MAGED1: variants seen among roughly 807,000 people sequenced by gnomAD.
The protein encoded by MAGED1 is melanoma-associated antigen D1.
In MAGED1, 3 loss-of-function variants were observed where a neutral mutation model predicts 54.1. That is an observed-to-expected ratio of 0.06 (90% confidence interval 0.03 to 0.14). MAGED1 has a LOEUF of 0.14. Among genes scored for constraint, MAGED1 ranks in the 10% least tolerant of loss-of-function variants. The probability of loss-of-function intolerance (pLI) is 1.00; values close to 1 mark genes in which losing one functional copy is unlikely to be tolerated. For missense variants in MAGED1, 485 were observed against 623.4 expected, an observed-to-expected ratio of 0.78 and a Z score of 2.36; for synonymous variants, 217 against 227.3, an observed-to-expected ratio of 0.95 and a Z score of 0.41.
At chrX:51,894,581 C>G in intron 2 of MAGED1, 1 of 1,127,305 alleles carries the variant, frequency 8.9e-7, no homozygotes, top group Non-Finnish European at 1.2e-6. Flanking sequence ...GGCAATCTGC[C>G]CAGAGAATGC....
chrX:51,840,958 G>A (rs2146970502), intron 1 of MAGED1, among the ~76,000 whole-genome samples: 1 of 110,799 alleles, frequency 9.0e-6, no homozygotes, highest in East Asian at 2.8e-4. Flanking sequence ...CCAGTAATGG[G>A]ATGGCTGGGT....
chrX:51,822,675 A>G (rs1385166930), intron 1 of MAGED1, among the ~76,000 whole-genome samples: 1 of 111,016 alleles, frequency 9.0e-6, no homozygotes, highest in Non-Finnish European at 1.9e-5. Flanking sequence ...TATTTCTAGA[A>G]TAGATCTCAG....
chrX:51,880,419 A>G (rs1216416943), intron 1 of MAGED1, among the ~76,000 whole-genome samples: 1 of 111,813 alleles, frequency 8.9e-6, no homozygotes, highest in African/African-American at 3.3e-5. Context: ...GCAGAGAGTG[A>G]GAGGGGGACT....
At chrX:51,874,827 G>GT (rs782609534) in intron 1 of MAGED1, among the ~76,000 whole-genome samples, 22 of 108,170 alleles carry the variant, frequency 2.0e-4, no homozygotes, top group South Asian at 4.0e-4. Context: ...GGTATGCCTG[G>GT]TTTTTTTTTA....
At chrX:51,899,463 G>C (rs1202122043) in intron 10 of MAGED1, 3 of 110,161 alleles carry the variant, frequency 2.7e-5, no homozygotes, top group African/African-American at 1.0e-4. Flanking sequence ...TTTTTTTCGA[G>C]ACTGAGTCTC....
At chrX:51,809,438 G>T (rs1925145084) in intron 1 of MAGED1, among the ~76,000 whole-genome samples, 1 of 111,732 alleles carries the variant, frequency 8.9e-6, no homozygotes, top group Non-Finnish European at 1.9e-5. Flanking sequence ...CTTTTTGAAA[G>T]ATCGTTGATT....
chrX:51,899,812 G>A (rs1287236073), intron 10 of MAGED1: 3 of 168,442 alleles, frequency 1.8e-5, no homozygotes, highest in Non-Finnish European at 3.2e-5. Context: ...CATCCCCACA[G>A]TAGACATTCC....
At chrX:51,812,219 CA>C (rs1262324456) in intron 1 of MAGED1, among the ~76,000 whole-genome samples, 1 of 109,887 alleles carries the variant, frequency 9.1e-6, no homozygotes, top group Non-Finnish European at 1.9e-5. Context: ...TGAATTTTGA[CA>C]AAAAAAAGCT....
intron 1 of MAGED1, among the ~76,000 whole-genome samples, chrX:51,804,801 C>A (rs781928710): frequency 9.0e-6 from 1 of 111,694 alleles, no homozygotes; most frequent in South Asian, 3.8e-4. Flanking sequence ...GGCAGGAAGG[C>A]TTCACTGGTA....
intron 1 of MAGED1, among the ~76,000 whole-genome samples, chrX:51,859,953 G>A (rs1488139071): frequency 9.0e-6 from 1 of 110,877 alleles, no homozygotes; most frequent in Non-Finnish European, 1.9e-5. Flanking sequence ...AAGAAAGAAA[G>A]AAAGATCCTG....
chrX:51,884,955 G>C (rs192592890), intron 1 of MAGED1, among the ~76,000 whole-genome samples: 1 of 112,182 alleles, frequency 8.9e-6, no homozygotes, highest in East Asian at 2.8e-4. Context: ...CTAATAGAGA[G>C]TAACTTCCTC....
intron 1 of MAGED1, among the ~76,000 whole-genome samples, chrX:51,825,822 T>C (rs1925834674): frequency 8.9e-6 from 1 of 112,383 alleles, no homozygotes; most frequent in Non-Finnish European, 1.9e-5. Flanking sequence ...AAATCCCCTA[T>C]TGATAGCTTA....
At chrX:51,820,176 G>A (rs782590408) in intron 1 of MAGED1, among the ~76,000 whole-genome samples, 1 of 111,879 alleles carries the variant, frequency 8.9e-6, no homozygotes, top group East Asian at 2.8e-4. Flanking sequence ...AGTAACTGAA[G>A]CCTTGTAGTA....
intron 1 of MAGED1, among the ~76,000 whole-genome samples, chrX:51,852,660 C>T (rs1370606826): frequency 8.9e-6 from 1 of 111,847 alleles, no homozygotes; most frequent in African/African-American, 3.2e-5. Flanking sequence ...TGTTAAAGTT[C>T]TCAATTTAAT....
intron 1 of MAGED1, among the ~76,000 whole-genome samples, chrX:51,865,478 A>G (rs972566844): frequency 3.6e-5 from 4 of 111,666 alleles, no homozygotes; most frequent in African/African-American, 9.8e-5. Context: ...ATTTTCTTCT[A>G]TCATTTAGTT....
chrX:51,874,874 A>G (rs1159361918), intron 1 of MAGED1, among the ~76,000 whole-genome samples: 3 of 110,274 alleles, frequency 2.7e-5, no homozygotes, highest in African/African-American at 9.9e-5. Context: ...ACCTTTCGGT[A>G]AAATTTTGGT....
At chrX:51,839,017 G>C (rs1557358197) in intron 1 of MAGED1, among the ~76,000 whole-genome samples, 1 of 111,228 alleles carries the variant, frequency 9.0e-6, no homozygotes, top group Non-Finnish European at 1.9e-5. Context: ...ATCTATTTCT[G>C]TAGAGTATAA....
chrX:51,892,675 C>T (rs964030887), upstream of MAGED1, among the ~76,000 whole-genome samples: 3 of 111,492 alleles, frequency 2.7e-5, no homozygotes, highest in African/African-American at 9.8e-5. Context: ...AGAACACAAA[C>T]TTTGCTTGTT....
chrX:51,840,481 C>T (rs943923421), intron 1 of MAGED1, among the ~76,000 whole-genome samples: 15 of 108,792 alleles, frequency 1.4e-4, no homozygotes, highest in African/African-American at 4.7e-4. Context: ...ATGTGCACAA[C>T]GTGTAGATTA....
Sources: gnomAD v4.1 joint callset for allele counts (sites outside exome capture counted in the v4.1 genomes callset) on GRCh38, gnomAD v4.1.1 for gene constraint, MANE v1.5 for transcripts, NCBI Gene and HGNC (gene_info 2026-07-23, HGNC 2026-07-21) for gene names.